Variants in TOP2B observed in about 807,000 individuals in gnomAD.
The protein encoded by TOP2B is DNA topoisomerase II beta, also known as DNA topoisomerase 2-beta.
TOP2B carries 51 observed loss-of-function variants against 193.5 expected under a neutral mutation model. The observed-to-expected ratio is 0.26, with a 90% CI of 0.21 to 0.33. The LOEUF (loss-of-function observed/expected upper bound fraction) is 0.33. TOP2B is among the 10% of genes least tolerant of loss of function. The pLI, the probability that TOP2B is intolerant of heterozygous loss-of-function variation, is 1.00. For missense variants in TOP2B, 1,378 were observed against 1,909.3 expected (o/e 0.72, Z 5.19); for synonymous variants, 634 against 635.7 (o/e 1.00, Z 0.04).
intron 3 of TOP2B, 138 bp from the exon 4 acceptor site, chr3:25,642,523 T>A: frequency 2.1e-6 from 1 of 469,642 alleles, no homozygotes; most frequent in Non-Finnish European, 3.8e-6. Flanking sequence ...TATTAACTTC[T>A]CATATAAAAT....
intron 18 of TOP2B, among the ~76,000 whole-genome samples, chr3:25,626,279 C>T (rs1042166848): frequency 3.9e-5 from 6 of 152,058 alleles, no homozygotes; most frequent in Admixed American, 2.0e-4. Flanking sequence ...AGAAAATCTG[C>T]AGACAACTTG....
Position 25,612,501 on chromosome 3 carries a change from G to A in TOP2B, c.3786+14C>T, listed in dbSNP as rs1702399838. 6.3e-7 allele frequency: 1 copy of A among 1,576,106 alleles called. No individual in the cohort carries two copies. Reference sequence around the variant, plus strand: ...ATAGAAATGAGTCTATCAATGACAAGAGGTATGTCATACCTTCTTCTTCTT... The same window carrying A: ...ATAGAAATGAGTCTATCAATGACAAAAGGTATGTCATACCTTCTTCTTCTT... On this transcript the variant is annotated intron_variant, in intron 28 of 35. Coordinates refer to ENST00000264331, the MANE Select transcript of TOP2B (RefSeq NM_001330700.2).
Position 25,664,254 on chromosome 3 carries a change from C to A in TOP2B, c.44G>T (p.Gly15Val). 6.5e-7 allele frequency: 1 copy of A among 1,537,776 alleles called. No homozygotes were observed. Among genetic ancestry groups the A allele is most frequent in the Non-Finnish European group, 8.7e-7 (1 of 1,145,864 alleles). ...GGCGAGAGVG[G>V]GNGALTWVTL... ...CACCCAGGTCAGTGCCCCGTTGCCG[C>A]CGCCCACGCCGGCTCCCGCGCCGCA... The change falls in exon 1 of 36, where the codon GGC becomes GTC. Residue 15 changes from glycine (G) to valine (V), a missense_variant. Gly to Val is a moderately radical substitution (Grantham distance 109). This residue lies in a region of TOP2B where 83 missense variants were observed against 59.3 expected (regional missense o/e 1.40). Transcript: ENST00000264331.
At chr3:25,624,057 A>C (rs1179642933) in intron 20 of TOP2B, among the ~76,000 whole-genome samples, 1 of 152,220 alleles carries the variant, frequency 6.6e-6, no homozygotes, top group Non-Finnish European at 1.5e-5. Flanking sequence ...TCTTCAGCCT[A>C]AAGAGTAAAG....
chr3:25,602,171 G>A (rs564936516), intron 33 of TOP2B, among the ~76,000 whole-genome samples: 20 of 152,006 alleles, frequency 1.3e-4, no homozygotes, highest in Non-Finnish European at 1.8e-4. Flanking sequence ...CAAGGCAGGC[G>A]GATCACTGGA....
At chr3:25,647,820 T>TA (rs112299774) in intron 1 of TOP2B, among the ~76,000 whole-genome samples, 94 of 152,064 alleles carry the variant, frequency 6.2e-4, no homozygotes, top group African/African-American at 2.0e-3. Context: ...AGATAATGTC[T>TA]AAAAAAAACA....
intron 30 of TOP2B, among the ~76,000 whole-genome samples, 166 bp from the exon 31 acceptor site, chr3:25,607,541 T>G (rs1702265372): frequency 6.6e-6 from 1 of 152,184 alleles, no homozygotes; most frequent in Non-Finnish European, 1.5e-5. Flanking sequence ...TTGGCCTTAG[T>G]TATCTGGTAG....
chr3:25,639,916 C>A (rs917266719), intron 4 of TOP2B, among the ~76,000 whole-genome samples: 1 of 152,164 alleles, frequency 6.6e-6, no homozygotes, highest in African/African-American at 2.4e-5. Context: ...TTTAACCTCT[C>A]CTCCACACAA....
chr3:25,633,790 T>C (rs1276841648), intron 8 of TOP2B, 51 bp downstream of exon 8: 5 of 1,428,866 alleles, frequency 3.5e-6, no homozygotes, highest in African/African-American at 1.5e-5. Flanking sequence ...GTAGTTTTTA[T>C]TGAAGTACTG....
At position 25,624,326 on chromosome 3, in the gene TOP2B, T is replaced by C; in HGVS notation, c.2466A>G (p.Ala822=). Residue 822 remains alanine (A), a synonymous_variant, in exon 20 of 36, where the codon GCA becomes GCG. Transcript: ENST00000264331. The part of the protein sequence containing the change: ...GTRLHGGKDA[A]SPRYIFTMLS... Reference sequence around the variant, plus strand: ...ACATTGTGAAAATATAACGAGGGCTTGCAGCATCTTTGCCACCATGAAGCC... The same window carrying C: ...ACATTGTGAAAATATAACGAGGGCTCGCAGCATCTTTGCCACCATGAAGCC... 1 of 1,613,924 alleles carries C rather than the reference T, an allele frequency of 6.2e-7. No homozygotes were observed. The highest frequency in any genetic ancestry group is 8.5e-7 in the Non-Finnish European group (1 of 1,179,834).
chr3:25,630,009 G>A lies in TOP2B; in HGVS notation c.1689+20C>T, dbSNP rs1702912506. On this transcript the variant is annotated intron_variant, in intron 13 of 35. Coordinates refer to ENST00000264331, the MANE Select transcript of TOP2B (RefSeq NM_001330700.2). ...TGAAGAAGACATGAATTTGAAATAT[G>A]TGGTAACTTTAAAACCAACCTGATC... 6 of 1,564,514 alleles carry A rather than the reference G, an allele frequency of 3.8e-6. No homozygotes were observed. The Admixed American group carries it at 7.9e-5, about 21-fold the overall frequency.
At chr3:25,612,865 T>A (rs1702411850) in intron 27 of TOP2B, among the ~76,000 whole-genome samples, 156 bp from the exon 28 acceptor site, 1 of 152,064 alleles carries the variant, frequency 6.6e-6, no homozygotes. Context: ...GGAAAAAAAA[T>A]AAAGAATTCT....
At chr3:25,660,051 T>C (rs928687387) in intron 1 of TOP2B, among the ~76,000 whole-genome samples, 1 of 152,218 alleles carries the variant, frequency 6.6e-6, no homozygotes, top group African/African-American at 2.4e-5. Flanking sequence ...CTCAGTAAAA[T>C]GCAATTGTTG....
chr3:25,639,611 A>C (rs767972924), intron 4 of TOP2B, among the ~76,000 whole-genome samples: 2 of 152,162 alleles, frequency 1.3e-5, no homozygotes, highest in Non-Finnish European at 2.9e-5. Flanking sequence ...CAGCCTCCAC[A>C]TTTGTTTTTA....
intron 1 of TOP2B, among the ~76,000 whole-genome samples, chr3:25,651,156 C>G (rs574309191): frequency 6.6e-6 from 1 of 151,990 alleles, no homozygotes; most frequent in South Asian, 2.1e-4. Flanking sequence ...TATTGTAATA[C>G]AGTAATACAG....
intron 4 of TOP2B, among the ~76,000 whole-genome samples, chr3:25,638,964 T>C (rs1248511976): frequency 1.3e-5 from 2 of 152,182 alleles, no homozygotes; most frequent in Non-Finnish European, 2.9e-5. Context: ...ATAATTAGGC[T>C]GAAAAAAATT....
Position 25,615,507 on chromosome 3 carries a change from T to C in TOP2B, c.3431A>G (p.Asn1144Ser), listed in dbSNP as rs1460117891. The C allele has an allele frequency of 1.9e-6, 3 of 1,577,382 alleles. No homozygotes were observed. The highest frequency in any genetic ancestry group is 2.3e-5 in the East Asian group (1 of 43,320). The change falls in exon 26 of 36, where the codon AAT becomes AGT. Residue 1144 changes from asparagine (N) to serine (S), a missense_variant. Around this residue, in one of 9 missense-constraint regions of TOP2B, gnomAD observed 556 missense variants for 584.2 expected, o/e 0.95. Coordinates refer to ENST00000264331, the MANE Select transcript of TOP2B (RefSeq NM_001330700.2). The part of the protein sequence containing the change: ...DSGTPSGPDF[N>S]YILNMSLWSL... ...CCACAGAGACATATTTAAAATATAA[T>C]TAAAATCTGGGCCTGAAGGAGTTCC...
Position 25,645,303 on chromosome 3 carries a change from C to A in TOP2B, c.237G>T (p.Thr79=), listed in dbSNP as rs770464510. Residue 79 remains threonine, a synonymous_variant, in exon 2 of 36, where the codon ACG becomes ACT. Coordinates refer to ENST00000264331, the MANE Select transcript of TOP2B (RefSeq NM_001330700.2). ...AATCAATTTTAGCAATAATTACCTGCGTCAATGGCTCCACTGACCCAATAT... is the reference window on the plus strand; with the variant it reads ...AATCAATTTTAGCAATAATTACCTGAGTCAATGGCTCCACTGACCCAATAT... ...DTYIGSVEPL[T]QFMWVYDEDV... The A allele has an allele frequency of 1.3e-6, 2 of 1,541,642 alleles. No individual in the cohort carries two copies. Among genetic ancestry groups the A allele is most frequent in the Non-Finnish European group, 1.8e-6 (2 of 1,140,606 alleles).
At chr3:25,627,429 T>C (rs1702834180) in intron 15 of TOP2B, 133 bp from the exon 16 acceptor site, 3 of 498,514 alleles carry the variant, frequency 6.0e-6, no homozygotes, top group Non-Finnish European at 7.1e-6. Context: ...TCAATCTTAA[T>C]AAGCAACTAA....
Sources: allele counts gnomAD v4.1 joint callset (sites outside exome capture counted in the v4.1 genomes callset), GRCh38; gene constraint gnomAD v4.1.1; regional missense constraint gnomAD v4.1.1; transcripts MANE v1.5; gene names NCBI Gene and HGNC (gene_info 2026-07-23, HGNC 2026-07-21).